ZC3H4: variants seen among roughly 807,000 people sequenced by gnomAD.
The protein encoded by ZC3H4 is zinc finger CCCH-type containing 4.
In ZC3H4, 13 loss-of-function variants were observed where a neutral mutation model predicts 108.3. The ratio of observed to expected loss-of-function variants is 0.12; its 90% CI spans 0.08 to 0.19. The LOEUF is 0.19. Ranked by LOEUF, ZC3H4 falls within the 10% of genes least tolerant of loss-of-function variation. The pLI is 1.00. For missense variants in ZC3H4, 1,734 were observed against 1,838.8 expected, an observed-to-expected ratio of 0.94 and a Z score of 1.04; for synonymous variants, 917 against 749.6, an observed-to-expected ratio of 1.22 and a Z score of -3.65.
At chr19:47,099,821 TAAAAAAAAAAAAAAA>T (rs34876026) in intron 2 of ZC3H4, among the ~76,000 whole-genome samples, 1 of 103,154 alleles carries the variant, frequency 9.7e-6, no homozygotes, top group Non-Finnish European at 2.1e-5. Context: ...TACAAGAGTT[TAAAAAAAAAAAAAAA>T]AAAAAAAAGG....
chr19:47,091,651 G>A (rs554903858), intron 4 of ZC3H4, among the ~76,000 whole-genome samples: 195 of 150,826 alleles, frequency 1.3e-3, no homozygotes, highest in African/African-American at 4.6e-3. Flanking sequence ...ACTTTCGGAG[G>A]CAAAGGCAGG....
intron 5 of ZC3H4, among the ~76,000 whole-genome samples, chr19:47,089,335 C>A (rs1396519173): frequency 6.6e-6 from 1 of 151,720 alleles, no homozygotes; most frequent in East Asian, 1.9e-4. Flanking sequence ...GCTGGGCAGT[C>A]TTTCTGGCAG....
chr19:47,106,622 A>G (rs1005899145), intron 2 of ZC3H4, among the ~76,000 whole-genome samples: 13 of 152,228 alleles, frequency 8.5e-5, no homozygotes, highest in African/African-American at 2.9e-4. Context: ...AGTAAGCTGC[A>G]AGCAGCAGCA....
At chr19:47,078,947 A>C (rs1416808826) in intron 11 of ZC3H4, among the ~76,000 whole-genome samples, 1 of 145,958 alleles carries the variant, frequency 6.9e-6, no homozygotes, top group African/African-American at 2.5e-5. Flanking sequence ...GAATCGCTTG[A>C]ACCCAGAAGG....
Position 47,112,537 on chromosome 19 carries a change from C to T in ZC3H4, c.48G>A (p.Pro16=), listed in dbSNP as rs1272409442. 7 of 1,058,916 alleles carry T rather than the reference C, an allele frequency of 6.6e-6. No homozygotes were observed. The highest frequency in any genetic ancestry group is 4.9e-6 in the Non-Finnish European group (4 of 823,714). 65.6% of individuals were successfully genotyped at this position (1,058,916 alleles called of 1,614,324 possible). A position where few individuals can be genotyped will look rare whatever the true frequency, so the allele number is the denominator to read the frequency against. Reference sequence around the variant, plus strand: ...ATGGCGGCGGCGGCGATGGCGGCGGCGGCGACTCTGATGGCGGCGGCGGGG... The same window carrying T: ...ATGGCGGCGGCGGCGATGGCGGCGGTGGCGACTCTGATGGCGGCGGCGGGG... The part of the protein sequence containing the change: ...GTPPPPPSES[P]PPPSPPPPST... Residue 16 remains proline, a synonymous_variant, in exon 2 of 15, where the codon CCG becomes CCA. Transcript: ENST00000253048.
intron 8 of ZC3H4, 152 bp from the exon 9 acceptor site, chr19:47,084,607 G>T: frequency 1.4e-6 from 1 of 737,764 alleles, no homozygotes; most frequent in Non-Finnish European, 2.3e-6. Context: ...CACGGAGGCT[G>T]CGTGCACCTT....
Position 47,067,471 on chromosome 19 carries a change from G to A in ZC3H4, c.2797C>T (p.Arg933Trp), listed in dbSNP as rs777854150. The A allele has an allele frequency of 7.6e-6, 12 of 1,581,016 alleles. No individual in the cohort carries two copies. The highest frequency in any genetic ancestry group is 1.2e-5 in the South Asian group (1 of 86,126). ...TEEEEGERAL[R>W]EKAVNIPLDP... ...AGGGGAATGTTCACGGCCTTCTCCCGCAGGGCCCGCTCCCCTTCCTCCTCC... is the reference window on the plus strand; with the variant it reads ...AGGGGAATGTTCACGGCCTTCTCCCACAGGGCCCGCTCCCCTTCCTCCTCC... Residue 933 changes from arginine to tryptophan, a missense_variant, in exon 15 of 15, where the codon CGG becomes TGG. Arg to Trp is a moderately radical substitution (Grantham distance 101). Transcript: ENST00000253048. The surrounding 1 kb of genome is among the most constrained non-coding windows in gnomAD (Gnocchi z 6.4).
intron 11 of ZC3H4, among the ~76,000 whole-genome samples, chr19:47,077,926 C>A (rs2057452272): frequency 6.6e-6 from 1 of 151,230 alleles, no homozygotes; most frequent in Non-Finnish European, 1.5e-5. Context: ...TACTCCAAAG[C>A]AGAAATCTAC....
At position 47,089,956 on chromosome 19, in the gene ZC3H4, G is replaced by A. The variant is rs758397114; in HGVS notation, c.715+11C>T. ...ATGCCCCAGAGGAGAAACTGTAAGG[G>A]CAGGGCTCACCTCGGCCGCGGCTGC... On this transcript the variant is annotated intron_variant, in intron 5 of 14. Transcript: ENST00000253048. The A allele has an allele frequency of 6.2e-7, 1 of 1,613,716 alleles. No homozygotes were observed. The highest frequency in any genetic ancestry group is 8.5e-7 in the Non-Finnish European group (1 of 1,179,968).
chr19:47,089,348 G>C (rs1295979923), intron 5 of ZC3H4, among the ~76,000 whole-genome samples: 4 of 152,136 alleles, frequency 2.6e-5, no homozygotes, highest in Middle Eastern at 6.8e-3. Context: ...TCTGGCAGGA[G>C]ATGGTTCAAT....
At chr19:47,068,479 G>A (rs1188401649) in intron 14 of ZC3H4, among the ~76,000 whole-genome samples, 2 of 152,226 alleles carry the variant, frequency 1.3e-5, no homozygotes, top group Non-Finnish European at 2.9e-5. Context: ...GGCCGGCTGG[G>A]CAGACTCAGA....
In ZC3H4 at chr19:47,084,205, GT is replaced by G. The variant is rs1360039968; in HGVS notation, c.1218+139del. 5.3e-6 allele frequency: 4 copies of G among 754,190 alleles called. No homozygotes were observed. The Admixed American group carries it at 7.3e-5, about 14-fold the overall frequency. 46.7% of individuals were successfully genotyped at this position (754,190 alleles called of 1,614,324 possible). On this transcript the variant is annotated intron_variant, in intron 9 of 14. Transcript: ENST00000253048. ...TTTCAGGCCGCCCAGGCAACTCCCA[GT>G]ATCGGCAAGTGTCCACAAGGACAAG... is the stretch of plus-strand genomic sequence containing the variant.
At chr19:47,084,852 T>A (rs2057587807) in intron 8 of ZC3H4, among the ~76,000 whole-genome samples, 2 of 152,288 alleles carry the variant, frequency 1.3e-5, no homozygotes, top group South Asian at 4.1e-4. Flanking sequence ...GCTAATGACA[T>A]GGTTTTAAAC....
rs1283556800 is a variant in ZC3H4 at position 47,064,562 on chromosome 19, T to C, written c.*1794A>G. The C allele has an allele frequency of 1.3e-5, 2 of 152,216 alleles. No individual in the cohort carries two copies. Among genetic ancestry groups the C allele is most frequent in the African/African-American group, 4.8e-5 (2 of 41,372 alleles). The allele number at this position is 152,216 out of a possible 1,614,324, so 9.4% of individuals were successfully genotyped here. ...ATTTCGGTTTAAAAAATATTTTTCT[T>C]TTACAAAAGAAAATTCTCAAAAGGA... On this transcript the variant is annotated 3_prime_UTR_variant, in exon 15 of 15. Transcript: ENST00000253048.
chr19:47,081,947 T>G (rs1033229536), intron 10 of ZC3H4, among the ~76,000 whole-genome samples: 2 of 152,180 alleles, frequency 1.3e-5, no homozygotes, highest in Non-Finnish European at 2.9e-5. Flanking sequence ...TGGGCCAGTC[T>G]TGAGAGCCTA....
chr19:47,110,105 C>CT (rs909423973), intron 2 of ZC3H4, among the ~76,000 whole-genome samples: 2 of 152,118 alleles, frequency 1.3e-5, no homozygotes. Context: ...AGATTTTGTG[C>CT]TTCAACAGTA....
Position 47,094,620 on chromosome 19 carries a change from C to A in ZC3H4, c.162-12G>T. The A allele has an allele frequency of 6.2e-7, 1 of 1,613,780 alleles. No individual in the cohort carries two copies. ...ACTCTCCATCTTCCCTACAAACAAA[C>A]CCCAATCCCACCATGAACACAGGGT... On this transcript the variant is annotated splice_polypyrimidine_tract_variant and intron_variant, in intron 2 of 14. Coordinates refer to ENST00000253048, the MANE Select transcript of ZC3H4 (RefSeq NM_015168.2).
chr19:47,112,487 G>A lies in ZC3H4; in HGVS notation c.98C>T (p.Ser33Phe), dbSNP rs772454994. Residue 33 changes from serine (S) to phenylalanine (F), a missense_variant, in exon 2 of 15, where the codon TCC (serine) becomes TTC (phenylalanine). Physicochemically the swap from Ser to Phe is radical, Grantham distance 155 (BLOSUM62 -2). Coordinates refer to ENST00000253048, the MANE Select transcript of ZC3H4 (RefSeq NM_015168.2). ...PPSTPSPPPC[S>F]PDARPATPHL... The stretch of plus-strand genomic sequence containing the variant: ...CGGGGTGGCCGGGCGGGCGTCGGGG[G>A]AACACGGAGGAGGCGAAGGCGTTGA... 1.7e-6 allele frequency: 2 copies of A among 1,157,266 alleles called. No homozygotes were observed. The highest frequency in any genetic ancestry group is 2.2e-6 in the Non-Finnish European group (2 of 911,938). The allele number at this position is 1,157,266 out of a possible 1,614,324, so 71.7% of individuals were successfully genotyped here. A position where few individuals can be genotyped will look rare whatever the true frequency, so the allele number is the denominator to read the frequency against.
intron 8 of ZC3H4, 32 bp downstream of exon 8, chr19:47,085,005 ACTAAGAAGGGACCTTGGCC>A (rs1436363133): frequency 6.2e-7 from 1 of 1,606,646 alleles, no homozygotes; most frequent in East Asian, 2.2e-5. Context: ...GGGAAAAAGG[ACTAAGAAGGGACCTTGGCC>A]CAAACATCAG....
Sources: gnomAD v4.1 joint callset for allele counts (sites outside exome capture counted in the v4.1 genomes callset) on GRCh38, gnomAD v4.1.1 for gene constraint, Gnocchi (gnomAD v3.1) non-coding constraint, MANE v1.5 for transcripts, NCBI Gene and HGNC (gene_info 2026-07-23, HGNC 2026-07-21) for gene names.